The following SCFD1 variants were observed in gnomAD, a reference collection of about 807,000 sequenced individuals.
SCFD1 encodes sec1 family domain-containing protein 1.
SCFD1 carries 37 observed loss-of-function variants against 103.2 expected under a neutral mutation model. The observed-to-expected ratio is 0.36, with a 90% CI of 0.28 to 0.47. The LOEUF is 0.47. Among genes scored for constraint, SCFD1 ranks in the 20% least tolerant of loss-of-function variants. The pLI is 1.00. For synonymous variants in SCFD1, 264 were observed against 245.0 expected (o/e 1.08, Z -0.73); for missense variants, 639 against 761.2 (o/e 0.84, Z 1.89).
At chr14:30,694,371 A>G (rs1189144095) in intron 14 of SCFD1, among the ~76,000 whole-genome samples, 2 of 152,192 alleles carry the variant, frequency 1.3e-5, no homozygotes, top group African/African-American at 4.8e-5. Flanking sequence ...AAGACACTTT[A>G]AATTCTTTTA....
At chr14:30,690,464 T>C (rs375031361) in intron 14 of SCFD1, among the ~76,000 whole-genome samples, 96 of 105,392 alleles carry the variant, frequency 9.1e-4, no homozygotes, top group Non-Finnish European at 1.4e-3. Flanking sequence ...ATCAGCGAGA[T>C]TCCGTGGGCG....
chr14:30,714,298 G>A (rs1438640338), intron 19 of SCFD1, among the ~76,000 whole-genome samples: 3 of 150,898 alleles, frequency 2.0e-5, no homozygotes, highest in Non-Finnish European at 4.4e-5. Flanking sequence ...AGCTTGCAGT[G>A]AGCCGAGATT....
Position 30,705,056 on chromosome 14 carries a change from C to A in SCFD1, c.1491-767C>A, listed in dbSNP as rs551520465. Among the ~76,000 whole-genome samples, 3 of 152,220 alleles carry A rather than the reference C, an allele frequency of 2.0e-5. No individual in the cohort carries two copies. The East Asian group carries it at 5.8e-4, about 29-fold the overall frequency. On this transcript the variant is annotated intron_variant, in intron 17 of 24. Transcript: ENST00000458591. ...ATCTAAATGCCATCTTTCTGCCCATCCTTCATCAATCGTATTGTTTAGTTA... is the reference window on the plus strand; with the variant it reads ...ATCTAAATGCCATCTTTCTGCCCATACTTCATCAATCGTATTGTTTAGTTA...
chr14:30,714,182 C>T (rs1416603960), intron 19 of SCFD1, among the ~76,000 whole-genome samples: 1 of 125,652 alleles, frequency 8.0e-6, no homozygotes, highest in Non-Finnish European at 1.6e-5. Flanking sequence ...CCCGTCTCTA[C>T]TAAAAATACA....
intron 2 of SCFD1, 117 bp from the exon 3 acceptor site, chr14:30,630,360 A>G (rs1049221691): frequency 1.5e-5 from 10 of 682,854 alleles, no homozygotes; most frequent in Admixed American, 1.3e-4. Flanking sequence ...AATTGAGGCA[A>G]GGATAACAAT....
At chr14:30,640,218 G>T (rs1157910628) in intron 6 of SCFD1, among the ~76,000 whole-genome samples, 2 of 152,130 alleles carry the variant, frequency 1.3e-5, no homozygotes, top group Non-Finnish European at 2.9e-5. Flanking sequence ...AAGTTAGCTT[G>T]CTTCTCTGTG....
intron 14 of SCFD1, among the ~76,000 whole-genome samples, chr14:30,678,041 T>C (rs1002894465): frequency 6.6e-6 from 1 of 151,824 alleles, no homozygotes; most frequent in African/African-American, 2.4e-5. Context: ...GATTTCACCA[T>C]GTTGGGCAGG....
chr14:30,640,573 A>T (rs578019520), intron 6 of SCFD1, among the ~76,000 whole-genome samples: 100 of 152,264 alleles, frequency 6.6e-4, no homozygotes, highest in African/African-American at 1.9e-3. Flanking sequence ...CATATTGAAC[A>T]GATTAAATTC....
intron 10 of SCFD1, among the ~76,000 whole-genome samples, chr14:30,662,141 G>A (rs1471808521): frequency 6.6e-6 from 1 of 152,174 alleles, no homozygotes; most frequent in East Asian, 1.9e-4. Flanking sequence ...GTATTCATGT[G>A]CATTAAACAT....
At chr14:30,705,909 T>G (rs1181310132) in intron 18 of SCFD1, 24 bp downstream of exon 18, 14 of 1,587,950 alleles carry the variant, frequency 8.8e-6, no homozygotes. Context: ...ATAATTCTTT[T>G]GCATCTTTGT....
chr14:30,704,152 A>G (rs1194983512), intron 17 of SCFD1, among the ~76,000 whole-genome samples: 2 of 151,728 alleles, frequency 1.3e-5, no homozygotes, highest in African/African-American at 4.8e-5. Flanking sequence ...ACATTAGTGT[A>G]TATTCTTTCA....
intron 7 of SCFD1, among the ~76,000 whole-genome samples, chr14:30,648,231 A>G (rs183957110): frequency 6.6e-6 from 1 of 152,340 alleles, no homozygotes; most frequent in Non-Finnish European, 1.5e-5. Flanking sequence ...ACAAACATTT[A>G]TAACTTTTGC....
intron 2 of SCFD1, among the ~76,000 whole-genome samples, chr14:30,628,822 T>TA (rs1194448419): frequency 6.6e-6 from 1 of 152,242 alleles, no homozygotes. Flanking sequence ...CTTCAGATGT[T>TA]ATAATACAGT....
rs1418111086 is a variant in SCFD1 at position 30,700,250 on chromosome 14, C to A, written c.1402C>A (p.Pro468Thr). ...LIYYISTQQAPSEADLEQYKK... is the reference protein window; with the variant it reads ...LIYYISTQQATSEADLEQYKK... ...CTATTATATAAGCACACAGCAAGCA[C>A]CTTCTGAGGTATGTCCTTTATTCAG... Residue 468 changes from proline (P) to threonine (T), a missense_variant, in exon 16 of 25, where the codon CCT becomes ACT. Coordinates refer to ENST00000458591, the MANE Select transcript of SCFD1 (RefSeq NM_016106.4). 1 of 1,600,516 alleles carries A rather than the reference C, an allele frequency of 6.2e-7. No homozygotes were observed. The highest frequency in any genetic ancestry group is 8.6e-7 in the Non-Finnish European group (1 of 1,167,960).
chr14:30,638,053 T>C, intron 4 of SCFD1, 72 bp from the exon 5 acceptor site: 2 of 1,424,696 alleles, frequency 1.4e-6, no homozygotes, highest in Admixed American at 2.8e-5. Context: ...AACTTTGCCT[T>C]ATAGTAGTTG....
intron 1 of SCFD1, among the ~76,000 whole-genome samples, chr14:30,625,603 AGGT>A (rs1883314534): frequency 2.3e-5 from 1 of 42,734 alleles, no homozygotes. Flanking sequence ...TTTTTGTTAT[AGGT>A]ATAGGTATAC....
At chr14:30,729,335 A>G (rs918480923) in intron 23 of SCFD1, among the ~76,000 whole-genome samples, 2 of 152,024 alleles carry the variant, frequency 1.3e-5, no homozygotes, top group Non-Finnish European at 2.9e-5. Context: ...TAAGGTCATA[A>G]AGATTTGACC....
In SCFD1 at chr14:30,717,147, C is replaced by G. The variant is rs993749623; in HGVS notation, c.1683+1170C>G. ...ATTAAAAATATAAGTAAATGCAAAA[C>G]TTTAGACAGGTGCCAAATACACAGG... On this transcript the variant is annotated intron_variant, in intron 20 of 24. Transcript: ENST00000458591. Among the ~76,000 whole-genome samples, 3 of 152,126 alleles carry G rather than the reference C, an allele frequency of 2.0e-5. No homozygotes were observed. In the South Asian group the frequency reaches 6.2e-4, roughly 32 times the overall value.
intron 14 of SCFD1, among the ~76,000 whole-genome samples, chr14:30,681,656 A>G (rs1452755382): frequency 6.9e-6 from 1 of 145,764 alleles, no homozygotes; most frequent in African/African-American, 2.4e-5. Flanking sequence ...TCTCACAGCC[A>G]AGATAAAAAA....
Sources: gnomAD v4.1 joint callset for allele counts (sites outside exome capture counted in the v4.1 genomes callset) on GRCh38, gnomAD v4.1.1 for gene constraint, MANE v1.5 for transcripts, NCBI Gene and HGNC (gene_info 2026-07-23, HGNC 2026-07-21) for gene names.